WDR27: variants seen among roughly 807,000 people sequenced by gnomAD.
WDR27 encodes WD repeat domain 27, also known as WD repeat-containing protein 27.
A neutral mutation model predicts 114.4 loss-of-function variants in WDR27; 100 were observed. That is an observed-to-expected ratio of 0.87 (90% CI 0.74 to 1.03). The LOEUF is 1.03. Ranked by LOEUF, WDR27 falls within the 50% of genes least tolerant of loss-of-function variation. The pLI is 0.00. For missense variants in WDR27, 1,129 were observed against 1,092.9 expected (o/e 1.03, Z -0.47); for synonymous variants, 449 against 423.1 (o/e 1.06, Z -0.75).
the WDR27 span, among the ~76,000 whole-genome samples, chr6:169,439,396 T>A: frequency 2.0e-5 from 3 of 152,140 alleles, no homozygotes; most frequent in African/African-American, 4.8e-5. Flanking sequence ...AATTTTTTGG[T>A]CATCTACAGT....
intron 25 of WDR27, among the ~76,000 whole-genome samples, chr6:169,465,216 C>A (rs1271130735): frequency 6.1e-5 from 9 of 147,876 alleles, no homozygotes; most frequent in Non-Finnish European, 1.0e-4. Context: ...CGAGATTGCA[C>A]CATTGCACTC....
chr6:169,659,303 T>G lies in WDR27; in HGVS notation c.1198-96A>C. The G allele has an allele frequency of 6.4e-7, 1 of 1,553,896 alleles. No homozygotes were observed. Among genetic ancestry groups the G allele is most frequent in the Non-Finnish European group, 8.7e-7 (1 of 1,144,900 alleles). Reference sequence around the variant, plus strand: ...ACGTATCCTAACAGCTGCTTCATTCTCATAGCAGCGACATCGCCCTGTCAC... The same window carrying G: ...ACGTATCCTAACAGCTGCTTCATTCGCATAGCAGCGACATCGCCCTGTCAC... On this transcript the variant is annotated intron_variant, in intron 11 of 25. Transcript: ENST00000448612. The surrounding 1 kb of genome is among the most constrained non-coding windows in gnomAD (Gnocchi z 4.3).
intron 25 of WDR27, among the ~76,000 whole-genome samples, chr6:169,533,489 G>A (rs1020284176): frequency 1.3e-5 from 2 of 152,146 alleles, no homozygotes; most frequent in Non-Finnish European, 2.9e-5. Context: ...ATGCCTAGTT[G>A]GAATCTCAGA....
rs1817665677 is a variant in WDR27, at chr6:169,636,392, G to A, written c.1982C>T (p.Thr661Ile). The change falls in exon 19 of 26, where the codon ACT becomes ATT. Residue 661 changes from threonine (T) to isoleucine (I), a missense_variant. Physicochemically the swap from Thr to Ile is moderately conservative, Grantham distance 89. Coordinates refer to ENST00000448612, the MANE Select transcript of WDR27 (RefSeq NM_182552.5). The part of the protein sequence containing the change: ...EFQLLRYHID[T>I]CKDEIKRYKQ... ...CTACCTCTTAATCTCATCTTTGCAA[G>A]TGTCAATGTGATACCTCAGTAGCTG... 1.2e-6 allele frequency: 2 copies of A among 1,613,882 alleles called. No homozygotes were observed. Among genetic ancestry groups the A allele is most frequent in the Non-Finnish European group, 8.5e-7 (1 of 1,179,864 alleles).
intron 25 of WDR27, among the ~76,000 whole-genome samples, chr6:169,557,731 G>A (rs1305540379): frequency 6.6e-6 from 1 of 152,102 alleles, no homozygotes; most frequent in South Asian, 2.1e-4. Flanking sequence ...CAAGAGTTGA[G>A]CTTGGGCAAG....
intron 2 of WDR27, among the ~76,000 whole-genome samples, chr6:169,688,143 T>A (rs557520197): frequency 6.6e-6 from 1 of 152,338 alleles, no homozygotes; most frequent in East Asian, 1.9e-4. Context: ...TAAAAATGTA[T>A]TTTTATTTTA....
At chr6:169,629,927 C>CAAA (rs747455041) in intron 21 of WDR27, among the ~76,000 whole-genome samples, 30 of 52,262 alleles carry the variant, frequency 5.7e-4, no homozygotes, top group Non-Finnish European at 8.3e-4. Context: ...AACTTCATCT[C>CAAA]AAAAAAAAAA....
chr6:169,500,509 AC>A (rs1791040705), intron 25 of WDR27, among the ~76,000 whole-genome samples: 1 of 152,058 alleles, frequency 6.6e-6, no homozygotes, highest in East Asian at 1.9e-4. Flanking sequence ...CTGAGCTGGG[AC>A]CTAAGAAACC....
At chr6:169,594,161 T>C (rs1050639785) in intron 23 of WDR27, among the ~76,000 whole-genome samples, 2 of 152,256 alleles carry the variant, frequency 1.3e-5, no homozygotes, top group Admixed American at 6.5e-5. Context: ...CAAGAAATTC[T>C]ACAATTTCCT....
intron 25 of WDR27, among the ~76,000 whole-genome samples, chr6:169,478,026 C>A (rs997988612): frequency 1.3e-5 from 2 of 152,122 alleles, no homozygotes; most frequent in Non-Finnish European, 2.9e-5. Flanking sequence ...AACACACACA[C>A]TAAATGCACA....
chr6:169,518,085 T>C (rs1793901889), intron 25 of WDR27, among the ~76,000 whole-genome samples: 1 of 152,216 alleles, frequency 6.6e-6, no homozygotes, highest in East Asian at 1.9e-4. Context: ...CCTTGGGAAG[T>C]TCTGCCCCTA....
At chr6:169,474,282 C>A (rs1786832403) in intron 25 of WDR27, among the ~76,000 whole-genome samples, 2 of 152,194 alleles carry the variant, frequency 1.3e-5, no homozygotes, top group South Asian at 2.1e-4. Flanking sequence ...GGTAAAGTCA[C>A]ATGCAATCCT....
intron 2 of WDR27, among the ~76,000 whole-genome samples, chr6:169,673,991 GA>G (rs979437391): frequency 2.0e-5 from 3 of 152,156 alleles, no homozygotes; most frequent in Admixed American, 1.3e-4. Flanking sequence ...ACCCTCATAA[GA>G]ACTGACACCC....
the WDR27 span, among the ~76,000 whole-genome samples, chr6:169,433,633 A>G: frequency 6.6e-6 from 1 of 152,222 alleles, no homozygotes; most frequent in Non-Finnish European, 1.5e-5. Flanking sequence ...GTCAAATGGT[A>G]TTCCTGGTTC....
chr6:169,643,762 C>A lies in WDR27; in HGVS notation c.1682G>T (p.Gly561Val). The A allele has an allele frequency of 6.2e-7, 1 of 1,613,422 alleles. No individual in the cohort carries two copies. Among genetic ancestry groups the A allele is most frequent in the Middle Eastern group, 1.7e-4 (1 of 6,060 alleles). ...AACGAGTAACAGATGGTTGGCCAAC[C>A]CACAGGCCAGCCACTGCCCATCTCC... ...YSGDGQWLACGLANHLLLVFD... is the reference protein window; with the variant it reads ...YSGDGQWLACVLANHLLLVFD... The change falls in exon 17 of 26, where the codon GGG (glycine) becomes GTG (valine). Residue 561 changes from glycine to valine, a missense_variant. By Grantham distance (109) the Gly-to-Val change is moderately radical. Transcript: ENST00000448612.
intron 25 of WDR27, among the ~76,000 whole-genome samples, chr6:169,486,554 C>T (rs145046216): frequency 0.031 from 4,659 of 152,132 alleles, 216 homozygotes; most frequent in African/African-American, 0.1. Flanking sequence ...TGCAGTGGCG[C>T]GATCTCGGCT....
intron 23 of WDR27, among the ~76,000 whole-genome samples, chr6:169,588,789 C>T (rs2128150592): frequency 6.6e-6 from 1 of 152,312 alleles, no homozygotes; most frequent in East Asian, 1.9e-4. Flanking sequence ...CTAACATTTA[C>T]ACAGTGTGTC....
At chr6:169,495,522 A>AC (rs1790288676) in intron 25 of WDR27, among the ~76,000 whole-genome samples, 1 of 27,626 alleles carries the variant, frequency 3.6e-5, no homozygotes, top group Non-Finnish European at 1.2e-4. Flanking sequence ...CTTTGAAAAG[A>AC]TAAAAAAAAA....
chr6:169,689,333 G>C, intron 1 of WDR27: 2 of 203,366 alleles, frequency 9.8e-6, no homozygotes, highest in South Asian at 1.1e-4. Context: ...CAGTTACTGA[G>C]AGGCAAAGAC....
Sources: allele counts gnomAD v4.1 joint callset (sites outside exome capture counted in the v4.1 genomes callset), GRCh38; gene constraint gnomAD v4.1.1; non-coding constraint Gnocchi (gnomAD v3.1); transcripts MANE v1.5; gene names NCBI Gene and HGNC (gene_info 2026-07-23, HGNC 2026-07-21).